Variants in DLGAP2 observed in about 807,000 individuals in gnomAD.
The protein encoded by DLGAP2 is DLG associated protein 2, also known as disks large-associated protein 2.
A neutral mutation model predicts 100.3 loss-of-function variants in DLGAP2; 26 were observed. The observed-to-expected ratio is 0.26, with a 90% confidence interval of 0.19 to 0.36. The LOEUF (loss-of-function observed/expected upper bound fraction) is 0.36. Among genes scored for constraint, DLGAP2 ranks in the 10% least tolerant of loss-of-function variants. The probability of loss-of-function intolerance (pLI) is 1.00; values close to 1 mark genes in which losing one functional copy is unlikely to be tolerated. For synonymous variants in DLGAP2, 886 were observed against 630.1 expected, an observed-to-expected ratio of 1.41 and a Z score of -6.08; for missense variants, 1,858 against 1,453.2, an observed-to-expected ratio of 1.28 and a Z score of -4.53.
intron 2 of DLGAP2, among the ~76,000 whole-genome samples, chr8:969,202 G>A (rs928085551): frequency 6.6e-6 from 1 of 152,194 alleles, no homozygotes; most frequent in Non-Finnish European, 1.5e-5. Context: ...CTTCCACCAA[G>A]TCTGAGAGAA....
At chr8:1,243,349 G>A (rs932179120) in intron 2 of DLGAP2, among the ~76,000 whole-genome samples, 14 of 152,220 alleles carry the variant, frequency 9.2e-5, no homozygotes, top group Admixed American at 3.9e-4. Flanking sequence ...TAAAGCTGCC[G>A]GTGCACATGC....
intron 2 of DLGAP2, among the ~76,000 whole-genome samples, chr8:1,173,247 G>C (rs1222080313): frequency 2.0e-5 from 3 of 152,140 alleles, no homozygotes; most frequent in South Asian, 2.1e-4. Context: ...TGGAAGTTTT[G>C]TCTCAGAGGA....
At chr8:1,002,499 C>T (rs1026163502) in intron 2 of DLGAP2, 2 of 152,252 alleles carry the variant, frequency 1.3e-5, no homozygotes, top group African/African-American at 4.8e-5. Flanking sequence ...GGAATGACTG[C>T]TGTACACACA....
intron 3 of DLGAP2, among the ~76,000 whole-genome samples, chr8:1,336,822 C>T (rs1801285961): frequency 6.8e-6 from 1 of 148,120 alleles, no homozygotes; most frequent in Non-Finnish European, 1.5e-5. Context: ...AATACATACA[C>T]ACATTTTTCC....
At chr8:1,164,830 C>T (rs1013990000) in intron 2 of DLGAP2, among the ~76,000 whole-genome samples, 1 of 152,020 alleles carries the variant, frequency 6.6e-6, no homozygotes, top group Admixed American at 6.5e-5. Flanking sequence ...GTGAGAATAC[C>T]AGGTCCCTTT....
chr8:1,269,238 A>G (rs112850576), intron 3 of DLGAP2, among the ~76,000 whole-genome samples: 1 of 152,152 alleles, frequency 6.6e-6, no homozygotes, highest in Non-Finnish European at 1.5e-5. Context: ...ACAGCAGTAA[A>G]TGAGTCCCAG....
chr8:1,378,558 G>C (rs1388640247), intron 3 of DLGAP2, among the ~76,000 whole-genome samples: 2 of 151,224 alleles, frequency 1.3e-5, no homozygotes, highest in Non-Finnish European at 2.9e-5. Context: ...GACTTCGCCT[G>C]TCTGTCCTGC....
chr8:1,042,844 G>A (rs1370937202), intron 2 of DLGAP2, among the ~76,000 whole-genome samples: 52 of 119,700 alleles, frequency 4.3e-4, no homozygotes, highest in Non-Finnish European at 7.2e-4. Context: ...GGTGGTGGGT[G>A]TGGGTGGTGG....
intron 3 of DLGAP2, among the ~76,000 whole-genome samples, chr8:1,494,720 T>G (rs767702236): frequency 4.6e-5 from 7 of 151,074 alleles, no homozygotes; most frequent in Non-Finnish European, 1.0e-4. Flanking sequence ...AGACCCAGAC[T>G]CCATCTAAAA....
At chr8:1,435,866 A>G (rs1407753218) in intron 3 of DLGAP2, among the ~76,000 whole-genome samples, 2 of 152,088 alleles carry the variant, frequency 1.3e-5, no homozygotes, top group Non-Finnish European at 2.9e-5. Context: ...GTGCTTAACA[A>G]GAGAGTTTAA....
At chr8:1,363,710 A>T (rs1385858887) in intron 3 of DLGAP2, among the ~76,000 whole-genome samples, 1 of 152,160 alleles carries the variant, frequency 6.6e-6, no homozygotes, top group Non-Finnish European at 1.5e-5. Context: ...GGAGAGAAGG[A>T]AAGAGAACCC....
At chr8:824,929 CAG>C (rs1354170618) in intron 1 of DLGAP2, among the ~76,000 whole-genome samples, 1 of 152,180 alleles carries the variant, frequency 6.6e-6, no homozygotes, top group Non-Finnish European at 1.5e-5. Flanking sequence ...CACAGGGCAT[CAG>C]GGGATAGGAG....
intron 2 of DLGAP2, among the ~76,000 whole-genome samples, chr8:1,138,850 G>A (rs538126591): frequency 6.6e-6 from 1 of 151,512 alleles, no homozygotes; most frequent in Non-Finnish European, 1.5e-5. Flanking sequence ...TGCGGCTGGT[G>A]GGAAACTCTT....
At chr8:802,542 G>A (rs1364736977) in intron 1 of DLGAP2, among the ~76,000 whole-genome samples, 1 of 152,178 alleles carries the variant, frequency 6.6e-6, no homozygotes, top group Admixed American at 6.5e-5. Context: ...ATCCAGTCCG[G>A]ACGGCACATC....
At chr8:1,247,335 G>C (rs1204278062) in intron 2 of DLGAP2, among the ~76,000 whole-genome samples, 1 of 144,570 alleles carries the variant, frequency 6.9e-6, no homozygotes, top group African/African-American at 2.7e-5. Context: ...GGTCCACATC[G>C]GTGGCCAGCA....
chr8:1,315,933 CCT>C (rs1435458127), intron 3 of DLGAP2, among the ~76,000 whole-genome samples: 1 of 135,002 alleles, frequency 7.4e-6, no homozygotes, highest in African/African-American at 2.7e-5. Context: ...GCGAGTGCAG[CCT>C]CTCTCCAACA....
chr8:1,551,834 T>G (rs1307429243), intron 5 of DLGAP2, among the ~76,000 whole-genome samples: 2 of 152,160 alleles, frequency 1.3e-5, no homozygotes, highest in Non-Finnish European at 2.9e-5. Flanking sequence ...CCACCTGCAT[T>G]ATATCATCCT....
chr8:1,225,728 C>G (rs1342166434), intron 2 of DLGAP2, among the ~76,000 whole-genome samples: 1 of 152,066 alleles, frequency 6.6e-6, no homozygotes, highest in Non-Finnish European at 1.5e-5. Context: ...GCTCTTGGTC[C>G]AAGGACAGAA....
intron 12 of DLGAP2, among the ~76,000 whole-genome samples, chr8:1,687,704 T>C (rs1799151115): frequency 6.6e-6 from 1 of 152,250 alleles, no homozygotes. Context: ...TAAATTGAAG[T>C]ACTTTGTATT....
Sources: allele counts gnomAD v4.1 joint callset (sites outside exome capture counted in the v4.1 genomes callset), GRCh38; gene constraint gnomAD v4.1.1; transcripts MANE v1.5; gene names NCBI Gene and HGNC (gene_info 2026-07-23, HGNC 2026-07-21).